The following SHROOM2 variants were observed in gnomAD, a reference collection of about 807,000 sequenced individuals.
SHROOM2 encodes the protein protein Shroom2.
SHROOM2 carries 33 observed loss-of-function variants against 75.9 expected under a neutral mutation model. The observed-to-expected ratio is 0.43, with a 90% CI of 0.33 to 0.58. The LOEUF (loss-of-function observed/expected upper bound fraction) is 0.58, where lower values mean the gene tolerates loss of function less well. Among genes scored for constraint, SHROOM2 ranks in the 20% least tolerant of loss-of-function variants. The pLI, the probability that SHROOM2 is intolerant of heterozygous loss-of-function variation, is 0.04. For synonymous variants in SHROOM2, 655 were observed against 663.6 expected, an observed-to-expected ratio of 0.99 and a Z score of 0.20; for missense variants, 1,434 against 1,461.2, an observed-to-expected ratio of 0.98 and a Z score of 0.30.
chrX:9,897,931 A>G (rs1273368077), intron 4 of SHROOM2, among the ~76,000 whole-genome samples: 1 of 112,341 alleles, frequency 8.9e-6, no homozygotes, highest in Non-Finnish European at 1.9e-5. Context: ...TTGAGGCTTC[A>G]CCGCTGTAAT....
At chrX:9,790,630 T>TA (rs2083642399) in intron 1 of SHROOM2, among the ~76,000 whole-genome samples, 1 of 111,679 alleles carries the variant, frequency 9.0e-6, no homozygotes, top group Admixed American at 9.5e-5. Flanking sequence ...ACTCACTTTT[T>TA]GATGCCAGCT....
At chrX:9,789,701 G>T (rs1035374090) in intron 1 of SHROOM2, among the ~76,000 whole-genome samples, 1 of 111,302 alleles carries the variant, frequency 9.0e-6, no homozygotes, top group African/African-American at 3.3e-5. Context: ...CACCAGCTGG[G>T]TGTCAGCAGC....
intron 5 of SHROOM2, among the ~76,000 whole-genome samples, chrX:9,929,514 C>T (rs1416795097): frequency 1.8e-5 from 2 of 111,282 alleles, no homozygotes; most frequent in Non-Finnish European, 3.8e-5. Context: ...GCCAGCCTGC[C>T]GTCCACTTTC....
chrX:9,839,810 C>T (rs1440814432), intron 1 of SHROOM2, among the ~76,000 whole-genome samples: 1 of 111,786 alleles, frequency 8.9e-6, no homozygotes, highest in African/African-American at 3.3e-5. Context: ...GCAAGGAGAG[C>T]CCACAGGGAG....
chrX:9,887,171 A>G (rs2084265547), intron 2 of SHROOM2, among the ~76,000 whole-genome samples: 1 of 112,284 alleles, frequency 8.9e-6, no homozygotes, highest in South Asian at 3.7e-4. Context: ...CTGCTGGTTT[A>G]GGTTAATGTT....
intron 1 of SHROOM2, among the ~76,000 whole-genome samples, chrX:9,821,385 G>C (rs893719199): frequency 9.1e-6 from 1 of 109,669 alleles, no homozygotes; most frequent in Admixed American, 1.0e-4. Flanking sequence ...AGGCGTCAGG[G>C]AAGTTTTTCA....
At chrX:9,864,831 TAAATAAATAAATAA>T (rs372244330) in intron 1 of SHROOM2, among the ~76,000 whole-genome samples, 7 of 102,487 alleles carry the variant, frequency 6.8e-5, no homozygotes, top group African/African-American at 2.5e-4. Context: ...TCTCAAAAAA[TAAATAAATAAATAA>T]AAATAAATAA....
chrX:9,860,124 G>A (rs1220789055), intron 1 of SHROOM2, among the ~76,000 whole-genome samples: 1 of 111,593 alleles, frequency 9.0e-6, no homozygotes, highest in Non-Finnish European at 1.9e-5. Flanking sequence ...GTCACAACTC[G>A]GGGCAGGAGG....
intron 5 of SHROOM2, among the ~76,000 whole-genome samples, chrX:9,931,653 G>T (rs1362456878): frequency 9.0e-6 from 1 of 110,973 alleles, no homozygotes; most frequent in South Asian, 3.8e-4. Context: ...CTTTAAAAGA[G>T]CCTTTGTTGG....
chrX:9,825,468 T>C (rs774045106), intron 1 of SHROOM2, among the ~76,000 whole-genome samples: 3 of 112,581 alleles, frequency 2.7e-5, no homozygotes, highest in African/African-American at 9.7e-5. Flanking sequence ...TAAATTCAGT[T>C]GGGGCTGACA....
At chrX:9,851,030 A>G (rs2146776988) in intron 1 of SHROOM2, among the ~76,000 whole-genome samples, 1 of 110,053 alleles carries the variant, frequency 9.1e-6, no homozygotes, top group South Asian at 3.9e-4. Flanking sequence ...TTTTTTAGAG[A>G]CAGAGTCTCA....
chrX:9,831,700 C>G (rs1336413184), intron 1 of SHROOM2, among the ~76,000 whole-genome samples: 2 of 111,768 alleles, frequency 1.8e-5, no homozygotes. Flanking sequence ...ATTTGTTGCT[C>G]ACAGTTCTGG....
chrX:9,834,408 G>A (rs1199974417), intron 1 of SHROOM2, among the ~76,000 whole-genome samples: 2 of 112,253 alleles, frequency 1.8e-5, no homozygotes, highest in African/African-American at 6.5e-5. Context: ...TGCTGTATAG[G>A]TGCCTGCAGA....
intron 1 of SHROOM2, among the ~76,000 whole-genome samples, chrX:9,845,695 C>G (rs1489627704): frequency 9.1e-6 from 1 of 110,468 alleles, no homozygotes; most frequent in Middle Eastern, 4.2e-3. Context: ...TTCTGTCCGT[C>G]TCTGCTCCTC....
Position 9,823,023 on chromosome X carries a change from C to T in SHROOM2, c.165+36313C>T, listed in dbSNP as rs867746910. Among the ~76,000 whole-genome samples, 339 of 56,637 alleles carry T rather than the reference C, an allele frequency of 6.0e-3. 2 individuals are homozygous for T. The highest frequency in any genetic ancestry group is 0.032 in the African/African-American group (310 of 9,716). 49.2% of individuals were successfully genotyped at this position (56,637 alleles called of 115,157 possible). On this transcript the variant is annotated intron_variant, in intron 1 of 9. Transcript: ENST00000380913. ...TTCTTCTTCTTCTTCTTCTCCTTCT[C>T]CTTCTCCTCCTCCTCCTCCTCCTCC...
intron 9 of SHROOM2, among the ~76,000 whole-genome samples, chrX:9,945,646 G>A (rs150250700): frequency 1.8e-3 from 206 of 111,473 alleles, no homozygotes; most frequent in African/African-American, 6.4e-3. Context: ...GCCTGCTGAC[G>A]ATCGTAAGTA....
chrX:9,833,975 C>T (rs1025192200), intron 1 of SHROOM2, among the ~76,000 whole-genome samples: 2 of 110,926 alleles, frequency 1.8e-5, no homozygotes, highest in Admixed American at 9.6e-5. Context: ...TGACAAGCCT[C>T]GCTGAGGTTC....
intron 2 of SHROOM2, among the ~76,000 whole-genome samples, chrX:9,880,754 T>A (rs1329961645): frequency 9.0e-6 from 1 of 111,639 alleles, no homozygotes; most frequent in African/African-American, 3.3e-5. Flanking sequence ...TGTTTTAATG[T>A]CACTTGCTAA....
chrX:9,921,693 A>T (rs777943893), intron 5 of SHROOM2, among the ~76,000 whole-genome samples: 1 of 112,184 alleles, frequency 8.9e-6, no homozygotes, highest in Admixed American at 9.4e-5. Flanking sequence ...AAGTGGGACC[A>T]TGTAGCACTT....
Sources: allele counts gnomAD v4.1 joint callset (sites outside exome capture counted in the v4.1 genomes callset), GRCh38; gene constraint gnomAD v4.1.1; transcripts MANE v1.5; gene names NCBI Gene and HGNC (gene_info 2026-07-23, HGNC 2026-07-21).